The following ATG13 variants were observed in gnomAD, a reference collection of about 807,000 sequenced individuals.
The protein encoded by ATG13 is autophagy-related protein 13.
Under a neutral mutation model 65.5 loss-of-function variants are expected in ATG13, and 23 were observed. The observed-to-expected ratio is 0.35, with a 90% CI of 0.25 to 0.50. The LOEUF (loss-of-function observed/expected upper bound fraction) is 0.50. Ranked by LOEUF, ATG13 falls within the 20% of genes least tolerant of loss-of-function variation. The pLI, the probability that ATG13 is intolerant of heterozygous loss-of-function variation, is 0.98. For synonymous variants in ATG13, 252 were observed against 245.2 expected, an observed-to-expected ratio of 1.03 and a Z score of -0.26; for missense variants, 566 against 677.0, an observed-to-expected ratio of 0.84 and a Z score of 1.82.
intron 1 of ATG13, among the ~76,000 whole-genome samples, chr11:46,622,122 TA>T (rs1565399005): frequency 1.2e-3 from 142 of 115,844 alleles, no homozygotes; most frequent in Middle Eastern, 4.0e-3. Flanking sequence ...TATATATATA[TA>T]TATATTTATT....
chr11:46,638,589 C>T (rs909060024), intron 2 of ATG13: 1 of 152,222 alleles, frequency 6.6e-6, no homozygotes, highest in Non-Finnish European at 1.5e-5. Flanking sequence ...CATCAACCTA[C>T]ACCCTACTTC....
At chr11:46,644,466 GC>G in intron 3 of ATG13, 106 bp downstream of exon 3, 1 of 1,014,620 alleles carries the variant, frequency 9.9e-7, no homozygotes, top group Non-Finnish European at 1.4e-6. Flanking sequence ...CTTGCAGCTT[GC>G]CCATTTTAAG....
At chr11:46,640,610 C>T (rs1367764983) in intron 2 of ATG13, among the ~76,000 whole-genome samples, 7 of 152,284 alleles carry the variant, frequency 4.6e-5, no homozygotes, top group East Asian at 3.9e-4. Context: ...AGGCTGCGAT[C>T]GTGCCACTGC....
intron 12 of ATG13, among the ~76,000 whole-genome samples, chr11:46,664,477 GA>G (rs2061851980): frequency 6.6e-6 from 1 of 152,214 alleles, no homozygotes; most frequent in Non-Finnish European, 1.5e-5. Flanking sequence ...GGAGAGAATA[GA>G]ATGACTTTGG....
At chr11:46,663,945 CT>C (rs953835564) in intron 11 of ATG13, 51 bp from the exon 12 acceptor site, 104,219 of 747,198 alleles carry the variant, frequency 0.14, 54 homozygotes, top group Middle Eastern at 0.17. Context: ...AGTCCCTTTT[CT>C]TTTTTTTTTT....
chr11:46,645,896 A>C lies in ATG13; in HGVS notation c.177A>C (p.Pro59=). Reference sequence around the variant, plus strand: ...TCAACTTAGCAATCAAAGACATCCCAGAGGTTACACATGAAGCAAAGAAGG... The same window carrying C: ...TCAACTTAGCAATCAAAGACATCCCCGAGGTTACACATGAAGCAAAGAAGG... ...DWFNLAIKDI[P]EVTHEAKKAL... Residue 59 remains proline (P), a synonymous_variant, in exon 5 of 19, where the codon CCA becomes CCC. Transcript: ENST00000683050. 1.2e-6 allele frequency: 2 copies of C among 1,614,208 alleles called. No homozygotes were observed. Among genetic ancestry groups the C allele is most frequent in the Non-Finnish European group, 8.5e-7 (1 of 1,180,026 alleles).
At chr11:46,659,542 A>G in intron 11 of ATG13, 57 bp downstream of exon 11, 1 of 1,417,452 alleles carries the variant, frequency 7.1e-7, no homozygotes, top group Non-Finnish European at 9.9e-7. Flanking sequence ...TATGGGCTTT[A>G]TGAAATGGTG....
Position 46,645,336 on chromosome 11 carries a change from T to C in ATG13, c.70-3T>C. On this transcript the variant is annotated splice_region_variant and splice_polypyrimidine_tract_variant and intron_variant, in intron 3 of 18. Coordinates refer to ENST00000683050, the MANE Select transcript of ATG13 (RefSeq NM_001346311.2). ...ATTTCTTTTGTGTTTTTTTTTTCTT[T>C]AGACTGTCCAAGTGATTGTCCAGGC... The C allele has an allele frequency of 1.2e-6, 2 of 1,609,276 alleles. No individual in the cohort carries two copies. Among genetic ancestry groups the C allele is most frequent in the Non-Finnish European group, 8.5e-7 (1 of 1,178,652 alleles).
intron 7 of ATG13, among the ~76,000 whole-genome samples, chr11:46,653,454 G>A (rs545144343): frequency 3.3e-5 from 5 of 152,080 alleles, no homozygotes; most frequent in East Asian, 1.9e-4. Context: ...GATTACAGGC[G>A]TGAGCCACCA....
In ATG13 at chr11:46,668,908, T is replaced by A. The variant is rs375680732; in HGVS notation, c.1444T>A (p.Phe482Ile). 2.1e-5 allele frequency: 34 copies of A among 1,611,454 alleles called. No individual in the cohort carries two copies. The highest frequency in any genetic ancestry group is 2.8e-5 in the Non-Finnish European group (33 of 1,178,136). The change falls in exon 17 of 19, where the codon TTT (phenylalanine) becomes ATT (isoleucine). Residue 482 changes from phenylalanine (F) to isoleucine (I), a missense_variant and splice_region_variant. Physicochemically the swap from Phe to Ile is conservative, Grantham distance 21. Transcript: ENST00000683050. Reference protein sequence around the residue: ...NTHDDFVMIDFKPAFSKDDIL... With the variant: ...NTHDDFVMIDIKPAFSKDDIL... ...CCATGATGACTTTGTTATGATAGAC[T>A]TTGTAAGTCGCCGTCACCTTCCTTG...
At chr11:46,671,074 A>G (rs2063613290) in intron 18 of ATG13, among the ~76,000 whole-genome samples, 1 of 152,178 alleles carries the variant, frequency 6.6e-6, no homozygotes, top group South Asian at 2.1e-4. Context: ...TGCACTTGGA[A>G]GAAAGTGTGG....
rs576544140 is a variant in ATG13, at chr11:46,642,112, A to G, written c.-13-2167A>G. On this transcript the variant is annotated intron_variant, in intron 2 of 18. Coordinates refer to ENST00000683050, the MANE Select transcript of ATG13 (RefSeq NM_001346311.2). ...AAAAAAAATTTAACGTGTACCCATTATTTCCTCTTTCAGCTCTCCTTTTGT... is the reference window on the plus strand; with the variant it reads ...AAAAAAAATTTAACGTGTACCCATTGTTTCCTCTTTCAGCTCTCCTTTTGT... Among the ~76,000 whole-genome samples, 74 of 151,668 alleles carry G rather than the reference A, an allele frequency of 4.9e-4. 1 individual carries two copies. The highest frequency in any genetic ancestry group is 4.0e-4 in the Non-Finnish European group (27 of 67,878).
chr11:46,641,505 C>CA (rs1296606384), intron 2 of ATG13, among the ~76,000 whole-genome samples: 5 of 152,090 alleles, frequency 3.3e-5, no homozygotes, highest in Non-Finnish European at 5.9e-5. Flanking sequence ...AAGCCACACA[C>CA]AAAAAAGTTA....
At chr11:46,657,369 C>T in intron 9 of ATG13, 155 bp from the exon 10 acceptor site, 2 of 934,718 alleles carry the variant, frequency 2.1e-6, no homozygotes, top group Non-Finnish European at 3.3e-6. Context: ...CCAGTTTGTC[C>T]AGAACGTAGG....
intron 2 of ATG13, among the ~76,000 whole-genome samples, chr11:46,639,790 T>TG (rs796790527): frequency 1.2e-4 from 18 of 151,520 alleles, no homozygotes; most frequent in African/African-American, 3.9e-4. Flanking sequence ...GGTTTCTCTG[T>TG]GGGGGGGCCT....
In ATG13 at chr11:46,665,306, C is replaced by G. The variant is rs1218442304; in HGVS notation, c.1000-77C>G. The G allele has an allele frequency of 1.6e-5, 25 of 1,527,264 alleles. No individual in the cohort carries two copies. In the South Asian group the frequency reaches 2.3e-4, roughly 14 times the overall value. The allele number at this position is 1,527,264 out of a possible 1,614,324, so 94.6% of individuals were successfully genotyped here. A position where few individuals can be genotyped will look rare whatever the true frequency, so the allele number is the denominator to read the frequency against. On this transcript the variant is annotated intron_variant, in intron 13 of 18. Transcript: ENST00000683050. ...GTGATGGAAAAGTCAAAAGCAGATACCATCATGCTAGAATGTGAAGTTCCC... is the reference window on the plus strand; with the variant it reads ...GTGATGGAAAAGTCAAAAGCAGATAGCATCATGCTAGAATGTGAAGTTCCC...
rs530209773 is a variant in ATG13 at position 46,659,460 on chromosome 11, C to T, written c.764C>T (p.Ser255Phe). The T allele has an allele frequency of 9.9e-6, 16 of 1,613,994 alleles. No individual in the cohort carries two copies. In the African/African-American group the frequency reaches 2.0e-4, roughly 20 times the overall value. ...VEDSQEVCTTSFSTSPPSQCV... is the reference protein window; with the variant it reads ...VEDSQEVCTTFFSTSPPSQCV... ...GACTCTCAAGAAGTGTGTACCACCTCTTTTTCCACCTCCCCACCATCCCAG... is the reference window on the plus strand; with the variant it reads ...GACTCTCAAGAAGTGTGTACCACCTTTTTTTCCACCTCCCCACCATCCCAG... Residue 255 changes from serine (S) to phenylalanine (F), a missense_variant, in exon 11 of 19, where the codon TCT becomes TTT. Coordinates refer to ENST00000683050, the MANE Select transcript of ATG13 (RefSeq NM_001346311.2).
chr11:46,647,909 C>T (rs1339493456), intron 5 of ATG13, among the ~76,000 whole-genome samples: 3 of 152,004 alleles, frequency 2.0e-5, no homozygotes, highest in Non-Finnish European at 2.9e-5. Context: ...CTTTGCCCAG[C>T]CTGTATTGTG....
At position 46,669,460 on chromosome 11, in the gene ATG13, GGA is replaced by G; in HGVS notation, c.1505_1506del (p.Glu502ValfsTer21). ...CGATGGACCTGGGGACCTTCTATCG[GGA>G]GTTTCAGAACCCACCTCAGCTGAGC... ...LPMDLGTFYR[E>X]FQNPPQLSSL... is the part of the protein sequence containing the mutation. On this transcript the variant is annotated frameshift_variant, in exon 18 of 19. Coordinates refer to ENST00000683050, the MANE Select transcript of ATG13 (RefSeq NM_001346311.2). LOFTEE classifies it high-confidence loss of function. 1 of 1,614,062 alleles carries G rather than the reference GGA, an allele frequency of 6.2e-7. No homozygotes were observed.
Sources: allele counts gnomAD v4.1 joint callset (sites outside exome capture counted in the v4.1 genomes callset), GRCh38; gene constraint gnomAD v4.1.1; transcripts MANE v1.5; gene names NCBI Gene and HGNC (gene_info 2026-07-23, HGNC 2026-07-21).